The following EML5 variants were observed in gnomAD, a reference collection of about 807,000 sequenced individuals.
The protein encoded by EML5 is EMAP like 5.
EML5 carries 120 observed loss-of-function variants against 250.0 expected under a neutral mutation model. That is an observed-to-expected ratio of 0.48 (90% CI 0.41 to 0.56). The LOEUF (loss-of-function observed/expected upper bound fraction) is 0.56, where lower values mean the gene tolerates loss of function less well. Among genes scored for constraint, EML5 ranks in the 20% least tolerant of loss-of-function variants. EML5 has a pLI of 0.00. For missense variants in EML5, 2,006 were observed against 2,437.6 expected (o/e 0.82, Z 3.73); for synonymous variants, 771 against 806.5 (o/e 0.96, Z 0.75).
chr14:88,642,132 CTT>C (rs924552908), intron 31 of EML5, among the ~76,000 whole-genome samples: 94 of 152,298 alleles, frequency 6.2e-4, no homozygotes, highest in African/African-American at 2.2e-3. Context: ...TCAATCTACT[CTT>C]TACCCATTCA....
At position 88,792,529 on chromosome 14, in the gene EML5, G is replaced by A; in HGVS notation, c.-26C>T. The A allele has an allele frequency of 7.7e-7, 1 of 1,291,972 alleles. No individual in the cohort carries two copies. Among genetic ancestry groups the A allele is most frequent in the Non-Finnish European group, 9.9e-7 (1 of 1,014,128 alleles). The allele number at this position is 1,291,972 out of a possible 1,614,324, so 80.0% of individuals were successfully genotyped here. ...GTCGGGGCGCCCACCCGCCGCTCCC[G>A]CTCGGGCCCGCGGCGGCGACGGGAG... On this transcript the variant is annotated 5_prime_UTR_variant, in exon 1 of 44. Coordinates refer to ENST00000554922, the MANE Select transcript of EML5 (RefSeq NM_183387.3). The surrounding 1 kb of genome is among the most constrained non-coding windows in gnomAD (Gnocchi z 6.9).
intron 21 of EML5, among the ~76,000 whole-genome samples, chr14:88,678,195 A>C (rs919569883): frequency 6.6e-6 from 1 of 152,206 alleles, no homozygotes; most frequent in Non-Finnish European, 1.5e-5. Context: ...CAGGAACAGA[A>C]AACCAAATAC....
chr14:88,755,232 T>C (rs560956898), intron 1 of EML5, among the ~76,000 whole-genome samples: 1 of 152,352 alleles, frequency 6.6e-6, no homozygotes, highest in East Asian at 1.9e-4. Context: ...ATATATTGTG[T>C]GTAAACTTCT....
Position 88,704,872 on chromosome 14 carries a change from T to A in EML5, c.2039A>T (p.His680Leu), listed in dbSNP as rs2093287059. ...ERAPGNSIRL[H>L]FVHGYRGYDC... ...AGTTGTTTTATACCCGTGAACAAAG[T>A]GTAATCGAATACTATTTCCTGGAGC... The change falls in exon 13 of 44, where the codon CAC becomes CTC. Residue 680 changes from histidine (H) to leucine (L), a missense_variant. Physicochemically the swap from His to Leu is moderately conservative, Grantham distance 99. Coordinates refer to ENST00000554922, the MANE Select transcript of EML5 (RefSeq NM_183387.3). 1 of 1,612,338 alleles carries A rather than the reference T, an allele frequency of 6.2e-7. No individual in the cohort carries two copies. The highest frequency in any genetic ancestry group is 1.3e-5 in the African/African-American group (1 of 74,962).
At chr14:88,658,155 T>C in intron 26 of EML5, 32 bp downstream of exon 26, 1 of 1,606,916 alleles carries the variant, frequency 6.2e-7, no homozygotes, top group Non-Finnish European at 8.5e-7. Context: ...ATTTTCCCTA[T>C]ATTTTTGTTC....
chr14:88,656,323 T>C (rs1409456092), intron 27 of EML5, among the ~76,000 whole-genome samples: 3 of 152,136 alleles, frequency 2.0e-5, no homozygotes, highest in Non-Finnish European at 2.9e-5. Context: ...TGCAGGGACA[T>C]GGATGAAGCT....
intron 1 of EML5, among the ~76,000 whole-genome samples, chr14:88,757,031 CA>C (rs1368755867): frequency 4.6e-5 from 7 of 152,108 alleles, no homozygotes; most frequent in African/African-American, 1.7e-4. Flanking sequence ...AAAACAAGAA[CA>C]AAGTTGGAAA....
At chr14:88,765,320 C>T (rs1446518938) in intron 1 of EML5, among the ~76,000 whole-genome samples, 2 of 152,126 alleles carry the variant, frequency 1.3e-5, no homozygotes, top group East Asian at 1.9e-4. Flanking sequence ...TCATTCAGAA[C>T]GTTAGCTGAA....
chr14:88,718,654 T>G (rs565931701), intron 8 of EML5, among the ~76,000 whole-genome samples: 5 of 152,080 alleles, frequency 3.3e-5, no homozygotes, highest in Non-Finnish European at 7.4e-5. Context: ...AGAAGGCATA[T>G]AGGAATGAGG....
intron 5 of EML5, 116 bp downstream of exon 5, chr14:88,740,271 G>C (rs1191799227): frequency 4.0e-6 from 3 of 759,342 alleles, no homozygotes; most frequent in East Asian, 5.6e-5. Context: ...AGTTAGAAAA[G>C]CATTTTCAAG....
chr14:88,665,110 G>A (rs1212510127), intron 22 of EML5, among the ~76,000 whole-genome samples: 1 of 152,162 alleles, frequency 6.6e-6, no homozygotes, highest in Non-Finnish European at 1.5e-5. Context: ...AAAGCTCAGA[G>A]AAGCATCCTG....
intron 25 of EML5, among the ~76,000 whole-genome samples, chr14:88,660,958 T>G (rs1409763822): frequency 6.6e-6 from 1 of 152,166 alleles, no homozygotes; most frequent in African/African-American, 2.4e-5. Context: ...TAAGTGTAAG[T>G]ATTTTCTATT....
chr14:88,667,416 T>C (rs999329500), intron 21 of EML5, among the ~76,000 whole-genome samples: 1 of 152,180 alleles, frequency 6.6e-6, no homozygotes, highest in Non-Finnish European at 1.5e-5. Context: ...CTTCTCTCTT[T>C]AGGGGTGAGA....
intron 32 of EML5, 46 bp from the exon 33 acceptor site, chr14:88,634,535 T>C (rs2140509560): frequency 2.4e-6 from 3 of 1,228,506 alleles, no homozygotes; most frequent in Non-Finnish European, 3.3e-6. Context: ...ATCTGTAAAA[T>C]CTGTAAAAAC....
At chr14:88,729,264 A>C (rs993606730) in intron 7 of EML5, among the ~76,000 whole-genome samples, 1 of 152,154 alleles carries the variant, frequency 6.6e-6, no homozygotes, top group Non-Finnish European at 1.5e-5. Context: ...AAAATAGCAT[A>C]ACTGTCTTTT....
At chr14:88,756,768 TAAAC>T (rs964012585) in intron 1 of EML5, among the ~76,000 whole-genome samples, 5 of 152,084 alleles carry the variant, frequency 3.3e-5, no homozygotes, top group Non-Finnish European at 5.9e-5. Flanking sequence ...AGGAATAAAT[TAAAC>T]AAAGTACAAG....
intron 2 of EML5, among the ~76,000 whole-genome samples, chr14:88,746,861 G>A (rs192022740): frequency 6.6e-6 from 1 of 152,256 alleles, no homozygotes; most frequent in Admixed American, 6.5e-5. Flanking sequence ...AACTCATGAA[G>A]AGGGAGAAAC....
At chr14:88,664,747 A>G (rs916929948) in intron 22 of EML5, 123 bp from the exon 23 acceptor site, 3 of 916,652 alleles carry the variant, frequency 3.3e-6, no homozygotes, top group Non-Finnish European at 4.9e-6. Flanking sequence ...AAATTATAAT[A>G]AAACAGATGT....
chr14:88,628,057 A>G (rs2090147704), intron 33 of EML5: 1 of 527,084 alleles, frequency 1.9e-6, no homozygotes, highest in African/African-American at 1.9e-5. Context: ...TCCAAATTGC[A>G]CTTTTGGAAA....
Sources: allele counts gnomAD v4.1 joint callset (sites outside exome capture counted in the v4.1 genomes callset), GRCh38; gene constraint gnomAD v4.1.1; non-coding constraint Gnocchi (gnomAD v3.1); transcripts MANE v1.5; gene names NCBI Gene and HGNC (gene_info 2026-07-23, HGNC 2026-07-21).